Variants in PCDHGB1 observed in about 807,000 individuals in gnomAD.
PCDHGB1 encodes protocadherin gamma subfamily B, 1, also known as protocadherin gamma-B1.
A neutral mutation model predicts 56.6 loss-of-function variants in PCDHGB1; 34 were observed. The observed-to-expected ratio is 0.60, with a 90% CI of 0.46 to 0.80. The LOEUF is 0.80. Ranked by LOEUF, PCDHGB1 falls within the 30% of genes least tolerant of loss-of-function variation. PCDHGB1 has a pLI of 0.00. For missense variants in PCDHGB1, 1,278 were observed against 1,204.6 expected, an observed-to-expected ratio of 1.06 and a Z score of -0.90; for synonymous variants, 561 against 505.9, an observed-to-expected ratio of 1.11 and a Z score of -1.46.
chr5:141,490,775 A>G lies in PCDHGB1; in HGVS notation c.2410-4032A>G. 6 of 1,614,110 alleles carry G rather than the reference A, an allele frequency of 3.7e-6. No homozygotes were observed. Among genetic ancestry groups the G allele is most frequent in the Non-Finnish European group, 5.1e-6 (6 of 1,179,964 alleles). On this transcript the variant is annotated intron_variant, in intron 1 of 3. Transcript: ENST00000523390. The surrounding 1 kb of genome is among the most constrained non-coding windows in gnomAD (Gnocchi z 5.4). ...TCCTCCTTTGTGTATGTCAACCCAG[A>G]GGATGGACGGATCTTTGCCCAGCGT...
chr5:141,467,287 A>C (rs2099140956), intron 1 of PCDHGB1, among the ~76,000 whole-genome samples: 1 of 152,082 alleles, frequency 6.6e-6, no homozygotes, highest in Admixed American at 6.6e-5. Flanking sequence ...TCTTGACCTC[A>C]AGTGATCCAC....
At chr5:141,464,816 G>A (rs11167751) in intron 1 of PCDHGB1, among the ~76,000 whole-genome samples, 42,470 of 151,904 alleles carry the variant, frequency 0.28, 6,668 homozygotes, top group African/African-American at 0.43. Context: ...ATAGCTCACT[G>A]TAGCCTCGCA....
At chr5:141,494,215 G>T (rs984086536) in intron 1 of PCDHGB1, among the ~76,000 whole-genome samples, 2 of 152,200 alleles carry the variant, frequency 1.3e-5, no homozygotes, top group Non-Finnish European at 2.9e-5. Context: ...GCCCAATCTG[G>T]CATGACTCCT....
At chr5:141,383,630 T>A in intron 1 of PCDHGB1, 3 of 1,613,986 alleles carry the variant, frequency 1.9e-6, no homozygotes, top group Non-Finnish European at 1.7e-6. Context: ...GTCTTCTCTC[T>A]GCCTCAGTAC....
Position 141,351,809 on chromosome 5 carries a change from G to T in PCDHGB1, c.1549G>T (p.Asp517Tyr). 2 of 1,613,290 alleles carry T rather than the reference G, an allele frequency of 1.2e-6. No homozygotes were observed. Among genetic ancestry groups the T allele is most frequent in the South Asian group, 1.1e-5 (1 of 91,078 alleles). Residue 517 changes from aspartate to tyrosine, a missense_variant, in exon 1 of 4, where the codon GAC (aspartate) becomes TAC (tyrosine). Coordinates refer to ENST00000523390, the MANE Select transcript of PCDHGB1 (RefSeq NM_018922.3). ...GGTGGTGTTCGCGCAGCGCGCCTTC[G>T]ACCACGAGCAGCTGCGCGCCTTCGA... ...SGVVFAQRAFDHEQLRAFELT... is the reference protein window; with the variant it reads ...SGVVFAQRAFYHEQLRAFELT...
chr5:141,430,234 A>G (rs2097268213), intron 1 of PCDHGB1, among the ~76,000 whole-genome samples: 1 of 130,034 alleles, frequency 7.7e-6, no homozygotes, highest in South Asian at 2.4e-4. Flanking sequence ...TGTCAAAAAG[A>G]GAAACTCCTA....
At chr5:141,360,192 C>T in intron 1 of PCDHGB1, 1 of 1,611,916 alleles carries the variant, frequency 6.2e-7, no homozygotes, top group Non-Finnish European at 8.5e-7. Flanking sequence ...TACTGTTGCC[C>T]TTCCTGTTGT....
chr5:141,390,518 T>G (rs1045172175), intron 1 of PCDHGB1: 1 of 570,806 alleles, frequency 1.8e-6, no homozygotes, highest in Non-Finnish European at 3.0e-6. Flanking sequence ...TATAAAGCAA[T>G]GAGGGTGTGG....
At chr5:141,427,411 A>C (rs1256606726) in intron 1 of PCDHGB1, 2 of 464,124 alleles carry the variant, frequency 4.3e-6, no homozygotes, top group Admixed American at 2.3e-5. Flanking sequence ...GATTCGAGAG[A>C]AAATGGGGAG....
chr5:141,356,416 ACAC>A, intron 1 of PCDHGB1: 6 of 1,603,068 alleles, frequency 3.7e-6, no homozygotes, highest in Non-Finnish European at 5.1e-6. Context: ...TCGGTTGTTG[ACAC>A]ACAGAACACT....
chr5:141,415,660 T>C, intron 1 of PCDHGB1: 2 of 1,583,052 alleles, frequency 1.3e-6, no homozygotes, highest in Non-Finnish European at 8.6e-7. Context: ...AAAGATTGGT[T>C]TTTACTTTGA....
intron 1 of PCDHGB1, chr5:141,389,959 T>C (rs764607245): frequency 6.2e-7 from 1 of 1,614,058 alleles, no homozygotes; most frequent in Non-Finnish European, 8.5e-7. Flanking sequence ...TACCTAGTGG[T>C]GGCCTTGGCC....
chr5:141,419,214 T>C lies in PCDHGB1; in HGVS notation c.2409+66545T>C. On this transcript the variant is annotated intron_variant, in intron 1 of 3. Coordinates refer to ENST00000523390, the MANE Select transcript of PCDHGB1 (RefSeq NM_018922.3). ...GACGTCAATGACAACGCGCCGGTTT[T>C]CGGACAGTCAGCCTACCTGGTCCAC... 1.9e-6 allele frequency: 3 copies of C among 1,613,986 alleles called. No individual in the cohort carries two copies. In the South Asian group the frequency reaches 3.3e-5, roughly 18 times the overall value.
intron 1 of PCDHGB1, chr5:141,355,506 TG>T: frequency 6.2e-7 from 1 of 1,614,028 alleles, no homozygotes; most frequent in Non-Finnish European, 8.5e-7. Context: ...CTCCAAACTG[TG>T]TGACAAACCT....
chr5:141,389,264 C>T, intron 1 of PCDHGB1: 1 of 1,614,018 alleles, frequency 6.2e-7, no homozygotes, highest in South Asian at 1.1e-5. Flanking sequence ...TCCACGTGGC[C>T]GAGAACAACC....
intron 1 of PCDHGB1, chr5:141,410,044 C>G: frequency 6.2e-7 from 1 of 1,613,184 alleles, no homozygotes; most frequent in Non-Finnish European, 8.5e-7. Flanking sequence ...CCAGTGAGCC[C>G]GGACTCTTCA....
In PCDHGB1 at chr5:141,415,152, C is replaced by G. The variant is rs758450562; in HGVS notation, c.2409+62483C>G. ...AGGACCACGGCCAGCCCCCTCTCTCCGCCACTGTCACGCTCACCGTGGCCG... is the reference window on the plus strand; with the variant it reads ...AGGACCACGGCCAGCCCCCTCTCTCGGCCACTGTCACGCTCACCGTGGCCG... On this transcript the variant is annotated intron_variant, in intron 1 of 3. Transcript: ENST00000523390. The G allele has an allele frequency of 1.9e-6, 3 of 1,613,812 alleles. No individual in the cohort carries two copies. In the Admixed American group the frequency reaches 5.0e-5, roughly 27 times the overall value.
intron 1 of PCDHGB1, among the ~76,000 whole-genome samples, chr5:141,473,910 A>G (rs1165685707): frequency 6.6e-6 from 1 of 152,168 alleles, no homozygotes; most frequent in Non-Finnish European, 1.5e-5. Flanking sequence ...AAGAGGTCTT[A>G]AGAAAACTAT....
intron 1 of PCDHGB1, among the ~76,000 whole-genome samples, chr5:141,494,218 T>C (rs1224329242): frequency 1.3e-5 from 2 of 152,222 alleles, no homozygotes; most frequent in South Asian, 2.1e-4. Context: ...CAATCTGGCA[T>C]GACTCCTAAA....
Sources: gnomAD v4.1 joint callset for allele counts (sites outside exome capture counted in the v4.1 genomes callset) on GRCh38, gnomAD v4.1.1 for gene constraint, Gnocchi (gnomAD v3.1) non-coding constraint, MANE v1.5 for transcripts, NCBI Gene and HGNC (gene_info 2026-07-23, HGNC 2026-07-21) for gene names.